TM9SF3: variants seen among roughly 807,000 people sequenced by gnomAD.
TM9SF3 encodes the protein transmembrane 9 superfamily member 3, also known as SM-11044-binding protein.
A neutral mutation model predicts 78.6 loss-of-function variants in TM9SF3; 14 were observed. The observed-to-expected ratio is 0.18, with a 90% CI of 0.12 to 0.28. The LOEUF is 0.28. Ranked by LOEUF, TM9SF3 falls within the 10% of genes least tolerant of loss-of-function variation. TM9SF3 has a pLI of 1.00. For synonymous variants in TM9SF3, 231 were observed against 241.7 expected (o/e 0.96, Z 0.41); for missense variants, 496 against 721.9 (o/e 0.69, Z 3.59).
intron 6 of TM9SF3, among the ~76,000 whole-genome samples, chr10:96,551,618 C>T (rs1848171076): frequency 6.6e-6 from 1 of 152,186 alleles, no homozygotes; most frequent in South Asian, 2.1e-4. Context: ...AAGTTGACTT[C>T]TGGTTGTGCT....
chr10:96,577,131 T>G (rs761717944), intron 1 of TM9SF3, among the ~76,000 whole-genome samples: 4 of 152,028 alleles, frequency 2.6e-5, no homozygotes, highest in Non-Finnish European at 5.9e-5. Flanking sequence ...TATTTACATT[T>G]ACACTATCAA....
rs1395385647 is a variant in TM9SF3 at position 96,519,197 on chromosome 10, C to A, written c.*3066G>T. 1 of 152,046 alleles carries A rather than the reference C, an allele frequency of 6.6e-6. No homozygotes were observed. The highest frequency in any genetic ancestry group is 6.6e-5 in the Admixed American group (1 of 15,258). The allele number at this position is 152,046 out of a possible 1,614,324, so 9.4% of individuals were successfully genotyped here. The stretch of plus-strand genomic sequence containing the variant: ...GTTAATAAATATTAGGAAACAAACA[C>A]TGTACCAAAATGGATATGACTTGTG... On this transcript the variant is annotated 3_prime_UTR_variant, in exon 15 of 15. Transcript: ENST00000371142.
intron 9 of TM9SF3, among the ~76,000 whole-genome samples, chr10:96,533,501 T>C (rs550606546): frequency 6.6e-6 from 1 of 152,316 alleles, no homozygotes; most frequent in South Asian, 2.1e-4. Context: ...TTTTTTAATA[T>C]ATTTATCCAT....
At chr10:96,536,335 A>G (rs1274912551) in intron 9 of TM9SF3, among the ~76,000 whole-genome samples, 4 of 152,178 alleles carry the variant, frequency 2.6e-5, no homozygotes, top group Admixed American at 2.6e-4. Flanking sequence ...AAAAAGAAAT[A>G]ACAGACATAC....
In TM9SF3 at chr10:96,559,665, T is replaced by A; in HGVS notation, c.654A>T (p.Gln218His). 2 of 1,588,510 alleles carry A rather than the reference T, an allele frequency of 1.3e-6. No homozygotes were observed. Among genetic ancestry groups the A allele is most frequent in the Non-Finnish European group, 1.7e-6 (2 of 1,164,024 alleles). Residue 218 changes from glutamine to histidine, a missense_variant, in exon 5 of 15, where the codon CAA (glutamine) becomes CAT (histidine). Transcript: ENST00000371142. Reference protein sequence around the residue: ...FDKYLDPSFFQHRIHWFSIFN... With the variant: ...FDKYLDPSFFHHRIHWFSIFN... ...AAATACACTATTTACCTACCCGATG[T>A]TGAAAAAAGGACGGATCAAGATATT...
intron 9 of TM9SF3, among the ~76,000 whole-genome samples, chr10:96,539,952 G>T (rs542841373): frequency 6.1e-4 from 93 of 152,208 alleles, no homozygotes; most frequent in African/African-American, 2.0e-3. Context: ...ATCTCTTTGC[G>T]TTCTTCTGAA....
intron 3 of TM9SF3, among the ~76,000 whole-genome samples, chr10:96,563,768 C>T (rs983163566): frequency 1.3e-5 from 2 of 152,030 alleles, no homozygotes; most frequent in African/African-American, 4.8e-5. Context: ...TAAGAAGCTA[C>T]TCTCTAAAAG....
chr10:96,543,943 T>C (rs1263200808), intron 9 of TM9SF3, 133 bp downstream of exon 9: 5 of 910,890 alleles, frequency 5.5e-6, no homozygotes, highest in Non-Finnish European at 7.6e-6. Context: ...TCTCCTCATC[T>C]AACTTTCCAG....
rs370197060 is a variant in TM9SF3 at position 96,549,816 on chromosome 10, T to TAAAAAAAAAAAAAAAAAAAA, written c.959+1428_959+1429insTTTTTTTTTTTTTTTTTTTT. 1.6e-5 allele frequency among the ~76,000 whole-genome samples: 2 copies of TAAAAAAAAAAAAAAAAAAAA among 121,820 alleles called. 1 individual carries two copies. The highest frequency in any genetic ancestry group is 3.4e-5 in the Non-Finnish European group (2 of 59,038). The allele number at this position is 121,820 out of a possible 152,430, so 79.9% of individuals were successfully genotyped here. A position where few individuals can be genotyped will look rare whatever the true frequency, so the allele number is the denominator to read the frequency against. On this transcript the variant is annotated intron_variant, in intron 7 of 14. Coordinates refer to ENST00000371142, the MANE Select transcript of TM9SF3 (RefSeq NM_020123.4). ...CTTTAAGTAGAAGAGCTTCTGCATT[T>TAAAAAAAAAAAAAAAAAAAA]TAAAAAAAAAAAAAAAAAAAGAGCT...
intron 14 of TM9SF3, among the ~76,000 whole-genome samples, chr10:96,526,400 G>T (rs989459110): frequency 1.3e-5 from 2 of 151,904 alleles, no homozygotes. Flanking sequence ...GACCTCCATG[G>T]CCATAAAAAA....
At chr10:96,548,461 T>C (rs947130378) in intron 7 of TM9SF3, among the ~76,000 whole-genome samples, 1 of 152,166 alleles carries the variant, frequency 6.6e-6, no homozygotes, top group African/African-American at 2.4e-5. Context: ...TTATTTTAGA[T>C]GGAATAACAC....
intron 8 of TM9SF3, among the ~76,000 whole-genome samples, chr10:96,544,758 A>C (rs1422997714): frequency 6.6e-6 from 1 of 152,124 alleles, no homozygotes; most frequent in Admixed American, 6.6e-5. Context: ...TCTAAAAACC[A>C]GTGAGTTTTT....
chr10:96,564,689 A>T (rs1399305128), intron 3 of TM9SF3, among the ~76,000 whole-genome samples: 1 of 152,246 alleles, frequency 6.6e-6, no homozygotes, highest in Non-Finnish European at 1.5e-5. Context: ...AAAGAAAGAA[A>T]CAATTAGAGA....
intron 2 of TM9SF3, among the ~76,000 whole-genome samples, chr10:96,569,815 C>G (rs1001735537): frequency 6.6e-6 from 1 of 152,088 alleles, no homozygotes; most frequent in Non-Finnish European, 1.5e-5. Flanking sequence ...AGGCAGATCA[C>G]GAGGTCAGGA....
chr10:96,545,701 C>G (rs1317923007), intron 8 of TM9SF3, among the ~76,000 whole-genome samples: 2 of 152,104 alleles, frequency 1.3e-5, no homozygotes, highest in Non-Finnish European at 2.9e-5. Context: ...ACCAGCCTGG[C>G]CAACGTGGTG....
chr10:96,544,990 A>G (rs946248969), intron 8 of TM9SF3, among the ~76,000 whole-genome samples: 16 of 152,200 alleles, frequency 1.1e-4, no homozygotes, highest in Admixed American at 6.5e-4. Context: ...CTCTCTCAGC[A>G]ATCAGAACTA....
intron 2 of TM9SF3, among the ~76,000 whole-genome samples, chr10:96,566,443 A>G (rs1179358788): frequency 1.3e-5 from 2 of 152,144 alleles, no homozygotes; most frequent in African/African-American, 2.4e-5. Context: ...TGTCTCCCCA[A>G]TCCTTAAGAG....
intron 14 of TM9SF3, among the ~76,000 whole-genome samples, chr10:96,523,232 G>T (rs565324993): frequency 1.3e-5 from 2 of 151,844 alleles, no homozygotes; most frequent in Admixed American, 6.6e-5. Flanking sequence ...TTGGCCTCAG[G>T]AATTTATGAT....
intron 8 of TM9SF3, among the ~76,000 whole-genome samples, chr10:96,547,410 G>C: frequency 6.6e-6 from 1 of 152,112 alleles, no homozygotes; most frequent in East Asian, 1.9e-4. Context: ...GTGCACAAAG[G>C]AGATTATCTA....
Sources: allele counts gnomAD v4.1 joint callset (sites outside exome capture counted in the v4.1 genomes callset), GRCh38; gene constraint gnomAD v4.1.1; transcripts MANE v1.5; gene names NCBI Gene and HGNC (gene_info 2026-07-23, HGNC 2026-07-21).